COL25A1: variants seen among roughly 807,000 people sequenced by gnomAD.
COL25A1 encodes the protein collagen type XXV alpha 1 chain.
In COL25A1, 103 loss-of-function variants were observed where a neutral mutation model predicts 128.4. The ratio of observed to expected loss-of-function variants is 0.80; its 90% CI spans 0.68 to 0.94. The LOEUF is 0.94. Among genes scored for constraint, COL25A1 ranks in the 40% least tolerant of loss-of-function variants. COL25A1 has a pLI of 0.00. For synonymous variants in COL25A1, 279 were observed against 277.2 expected (o/e 1.01, Z -0.06); for missense variants, 745 against 840.0 (o/e 0.89, Z 1.40).
At chr4:108,872,026 T>C (rs549134417) in intron 19 of COL25A1, among the ~76,000 whole-genome samples, 1 of 152,324 alleles carries the variant, frequency 6.6e-6, no homozygotes, top group Admixed American at 6.5e-5. Context: ...TTCTGGACTT[T>C]TTCAGGAAGT....
intron 3 of COL25A1, among the ~76,000 whole-genome samples, chr4:109,212,322 G>A (rs1464084874): frequency 6.6e-6 from 1 of 152,120 alleles, no homozygotes; most frequent in African/African-American, 2.4e-5. Context: ...AGCAGCTAAT[G>A]CTAGCTATCA....
chr4:109,195,977 G>C (rs1776005498), intron 3 of COL25A1, among the ~76,000 whole-genome samples: 1 of 152,172 alleles, frequency 6.6e-6, no homozygotes, highest in Admixed American at 6.5e-5. Context: ...CATATTTACA[G>C]AGCCCTGTGT....
At chr4:109,257,452 C>A (rs72672621) in intron 3 of COL25A1, among the ~76,000 whole-genome samples, 22 of 152,240 alleles carry the variant, frequency 1.4e-4, no homozygotes, top group Middle Eastern at 3.4e-3. Flanking sequence ...GACTACTTCT[C>A]TTAAGGTAGG....
chr4:108,881,076 A>T (rs1329347252), intron 19 of COL25A1, among the ~76,000 whole-genome samples: 6 of 152,334 alleles, frequency 3.9e-5, no homozygotes, highest in Middle Eastern at 3.4e-3. Context: ...TGAATGCACG[A>T]AATAGGAATT....
At chr4:109,188,909 A>T (rs1775361038) in intron 3 of COL25A1, among the ~76,000 whole-genome samples, 1 of 152,058 alleles carries the variant, frequency 6.6e-6, no homozygotes, top group African/African-American at 2.4e-5. Flanking sequence ...ATATGTGAAG[A>T]TTCTGTGTGT....
rs547874075 is a variant in COL25A1, at chr4:109,137,984, A to ATATGTATGTGTGTGTGTG, written c.368-87806_368-87805insCACACACACACATACATA. On this transcript the variant is annotated intron_variant, in intron 3 of 37. Transcript: ENST00000399132. ...AACAGAAATTTCATTTTATATATAT[A>ATATGTATGTGTGTGTGTG]TGTGTGTGTGTGTGTGTGTGTGTGT... 2.8e-5 allele frequency among the ~76,000 whole-genome samples: 4 copies of ATATGTATGTGTGTGTGTG among 142,490 alleles called. No homozygotes were observed. In the Admixed American group the frequency reaches 2.9e-4, roughly 10 times the overall value. The allele number at this position is 142,490 out of a possible 152,430, so 93.5% of individuals were successfully genotyped here.
At position 108,824,235 on chromosome 4, in the gene COL25A1, A is replaced by T. The variant is rs553756875; in HGVS notation, c.1792-8T>A. 1 of 1,598,210 alleles carries T rather than the reference A, an allele frequency of 6.3e-7. No individual in the cohort carries two copies. Among genetic ancestry groups the T allele is most frequent in the African/African-American group, 1.3e-5 (1 of 74,114 alleles). ...CCGTGGACCAGGGAAGCCCTGTAAG[A>T]TAAAAAGCAAACCAAAAAGATCTAT... On this transcript the variant is annotated splice_polypyrimidine_tract_variant and splice_region_variant and intron_variant, in intron 34 of 37. Transcript: ENST00000399132.
At chr4:109,072,985 C>G (rs1763101063) in intron 3 of COL25A1, among the ~76,000 whole-genome samples, 1 of 152,112 alleles carries the variant, frequency 6.6e-6, no homozygotes, top group Non-Finnish European at 1.5e-5. Context: ...CTGGGCTGGT[C>G]CCTGAAATCA....
At position 108,943,701 on chromosome 4, in the gene COL25A1, A is replaced by G. The variant is rs183164848; in HGVS notation, c.493-2264T>C. Among the ~76,000 whole-genome samples the G allele has an allele frequency of 2.6e-5, 4 of 152,272 alleles. No individual in the cohort carries two copies. In the South Asian group the frequency reaches 6.2e-4, roughly 24 times the overall value. On this transcript the variant is annotated intron_variant, in intron 8 of 37. Coordinates refer to ENST00000399132, the MANE Select transcript of COL25A1 (RefSeq NM_198721.4). ...AGATGTTTTAGACACTCGTTCTTCA[A>G]TAACTTGTACTAACTCCTCCTCCCA... is the stretch of plus-strand genomic sequence containing the variant.
intron 25 of COL25A1, 123 bp downstream of exon 25, chr4:108,852,779 T>C: frequency 1.3e-6 from 1 of 741,074 alleles, no homozygotes; most frequent in South Asian, 2.0e-5. Flanking sequence ...AGATTATTAA[T>C]ACAAGAAAAC....
At chr4:109,029,768 A>G (rs967298385) in intron 5 of COL25A1, among the ~76,000 whole-genome samples, 1 of 152,176 alleles carries the variant, frequency 6.6e-6, no homozygotes, top group African/African-American at 2.4e-5. Context: ...TATTTATTCA[A>G]TAAGAACTCA....
At chr4:109,042,536 T>G (rs1760016851) in intron 5 of COL25A1, among the ~76,000 whole-genome samples, 1 of 152,050 alleles carries the variant, frequency 6.6e-6, no homozygotes, top group Admixed American at 6.6e-5. Flanking sequence ...GATCTAGCTA[T>G]GCTGGTATTT....
At chr4:109,099,383 T>G (rs894906982) in intron 3 of COL25A1, among the ~76,000 whole-genome samples, 2 of 152,178 alleles carry the variant, frequency 1.3e-5, no homozygotes, top group South Asian at 4.1e-4. Context: ...GCAGTATATT[T>G]TAATGATATA....
chr4:108,820,116 G>C (rs1345531142), intron 35 of COL25A1, among the ~76,000 whole-genome samples: 1 of 152,204 alleles, frequency 6.6e-6, no homozygotes, highest in Non-Finnish European at 1.5e-5. Flanking sequence ...CAACAAGACA[G>C]AAGAAGGAGG....
chr4:109,280,146 TG>T (rs1345054899), intron 3 of COL25A1, among the ~76,000 whole-genome samples: 11 of 152,168 alleles, frequency 7.2e-5, no homozygotes, highest in Non-Finnish European at 1.0e-4. Flanking sequence ...ACAATGAAAA[TG>T]ACAACATGAT....
intron 6 of COL25A1, among the ~76,000 whole-genome samples, chr4:109,001,372 C>CAGGCATCTAAGATCCTGTCAGGT (rs1755348509): frequency 4.1e-5 from 1 of 24,146 alleles, no homozygotes; most frequent in Non-Finnish European, 1.3e-4. Context: ...TTAAAAGAAA[C>CAGGCATCTAAGATCCTGTCAGGT]AGGCATCTGA....
intron 3 of COL25A1, among the ~76,000 whole-genome samples, chr4:109,225,056 T>C (rs1778709704): frequency 6.6e-6 from 1 of 152,212 alleles, no homozygotes; most frequent in African/African-American, 2.4e-5. Flanking sequence ...GCAATGTTAA[T>C]TCCCAAGCTG....
chr4:108,908,209 C>T (rs1459939363), intron 13 of COL25A1, among the ~76,000 whole-genome samples: 1 of 152,174 alleles, frequency 6.6e-6, no homozygotes, highest in East Asian at 1.9e-4. Flanking sequence ...AATTCTTCAC[C>T]AGTTTCCTCA....
At chr4:108,837,427 C>T (rs1399614915) in intron 31 of COL25A1, among the ~76,000 whole-genome samples, 2 of 152,054 alleles carry the variant, frequency 1.3e-5, no homozygotes, top group African/African-American at 2.4e-5. Flanking sequence ...AAAAAATCTC[C>T]ATTTAGTTGT....
Sources: allele counts gnomAD v4.1 joint callset (sites outside exome capture counted in the v4.1 genomes callset), GRCh38; gene constraint gnomAD v4.1.1; transcripts MANE v1.5; gene names NCBI Gene and HGNC (gene_info 2026-07-23, HGNC 2026-07-21).